PLCB1: variants seen among roughly 807,000 people sequenced by gnomAD.
PLCB1 encodes phospholipase C beta 1, also known as 1-phosphatidylinositol 4,5-bisphosphate phosphodiesterase beta-1.
A neutral mutation model predicts 161.8 loss-of-function variants in PLCB1; 46 were observed. The ratio of observed to expected loss-of-function variants is 0.28; its 90% CI spans 0.22 to 0.36. The LOEUF (loss-of-function observed/expected upper bound fraction) is 0.36, where lower values mean the gene tolerates loss of function less well. Among genes scored for constraint, PLCB1 ranks in the 10% least tolerant of loss-of-function variants. The probability of loss-of-function intolerance (pLI) is 1.00; values close to 1 mark genes in which losing one functional copy is unlikely to be tolerated. For synonymous variants in PLCB1, 517 were observed against 503.7 expected (o/e 1.03, Z -0.35); for missense variants, 1,016 against 1,472.5 (o/e 0.69, Z 5.07).
chr20:8,792,563 G>A, intron 31 of PLCB1: 1 of 471,132 alleles, frequency 2.1e-6, no homozygotes, highest in Non-Finnish European at 4.4e-6. Context: ...TAGTTCTATT[G>A]TCTGCGTTTT....
At position 8,733,352 on chromosome 20, in the gene PLCB1, G is replaced by A; in HGVS notation, c.2003G>A (p.Gly668Asp). ...PDKHFDPFTEGIVDGIVANTL... is the reference protein window; with the variant it reads ...PDKHFDPFTEDIVDGIVANTL... ...AAGCATTTTGATCCATTTACTGAAGGCATCGTAGATGGGATAGTGGCAAAC... is the reference window on the plus strand; with the variant it reads ...AAGCATTTTGATCCATTTACTGAAGACATCGTAGATGGGATAGTGGCAAAC... Residue 668 changes from glycine to aspartate, a missense_variant, in exon 19 of 32, where the codon GGC becomes GAC. Gly to Asp is a moderately conservative substitution (Grantham distance 94). This residue lies in a region of PLCB1 where 67 missense variants were observed against 195.6 expected (regional missense o/e 0.34). Transcript: ENST00000338037. 1 of 1,613,896 alleles carries A rather than the reference G, an allele frequency of 6.2e-7. No homozygotes were observed. The highest frequency in any genetic ancestry group is 8.5e-7 in the Non-Finnish European group (1 of 1,179,862).
chr20:8,148,289 T>A (rs6039050), intron 1 of PLCB1, among the ~76,000 whole-genome samples: 1,589 of 152,316 alleles, frequency 0.01, 33 homozygotes, highest in African/African-American at 0.036. Context: ...ATGCATGCAA[T>A]CTCATGAAAG....
chr20:8,219,443 A>T (rs985402164), intron 2 of PLCB1, among the ~76,000 whole-genome samples: 4 of 152,152 alleles, frequency 2.6e-5, no homozygotes, highest in African/African-American at 9.7e-5. Flanking sequence ...GAGCCTGGAT[A>T]GTTGTTAGAA....
At chr20:8,152,082 G>A (rs57577145) in intron 2 of PLCB1, among the ~76,000 whole-genome samples, 6,563 of 152,178 alleles carry the variant, frequency 0.043, 481 homozygotes, top group African/African-American at 0.15. Flanking sequence ...ATGACCAAGC[G>A]AAACAGATAA....
intron 2 of PLCB1, among the ~76,000 whole-genome samples, chr20:8,217,526 G>A (rs1371164435): frequency 6.6e-6 from 1 of 152,122 alleles, no homozygotes; most frequent in Non-Finnish European, 1.5e-5. Context: ...TCTGATGAAA[G>A]TGATAGGAAG....
chr20:8,218,317 TCA>T (rs1979235143), intron 2 of PLCB1, among the ~76,000 whole-genome samples: 1 of 152,122 alleles, frequency 6.6e-6, no homozygotes, highest in African/African-American at 2.4e-5. Flanking sequence ...ATACATATGC[TCA>T]GAGTTCAGAT....
intron 2 of PLCB1, among the ~76,000 whole-genome samples, chr20:8,168,901 A>G (rs150257575): frequency 2.0e-4 from 31 of 152,238 alleles, no homozygotes; most frequent in African/African-American, 7.5e-4. Context: ...AGAGGTAGAA[A>G]TCATTTCAGA....
At chr20:8,699,157 A>T (rs538680268) in intron 11 of PLCB1, among the ~76,000 whole-genome samples, 1 of 152,118 alleles carries the variant, frequency 6.6e-6, no homozygotes, top group African/African-American at 2.4e-5. Flanking sequence ...CCAGAGGACA[A>T]CCTCTCGCAC....
At chr20:8,134,867 T>C (rs1008885005) in intron 1 of PLCB1, among the ~76,000 whole-genome samples, 1 of 151,120 alleles carries the variant, frequency 6.6e-6, no homozygotes, top group Non-Finnish European at 1.5e-5. Context: ...CAGGTCTTTT[T>C]TAAAAAAAAA....
chr20:8,519,091 G>A (rs1052205186), intron 3 of PLCB1, among the ~76,000 whole-genome samples: 1 of 152,132 alleles, frequency 6.6e-6, no homozygotes, highest in African/African-American at 2.4e-5. Flanking sequence ...TGTGCAGCCT[G>A]GTTCTTAGCA....
At chr20:8,858,865 C>T (rs1400737009) in intron 31 of PLCB1, among the ~76,000 whole-genome samples, 49 of 145,174 alleles carry the variant, frequency 3.4e-4, no homozygotes, top group Non-Finnish European at 6.0e-5. Context: ...TTTTTCCCAA[C>T]TCTTGTTCTT....
chr20:8,250,129 G>T (rs557397203), intron 2 of PLCB1, among the ~76,000 whole-genome samples: 33 of 152,012 alleles, frequency 2.2e-4, no homozygotes, highest in African/African-American at 7.7e-4. Flanking sequence ...CACACGAGGA[G>T]TTATTGAAAA....
intron 31 of PLCB1, among the ~76,000 whole-genome samples, chr20:8,834,241 T>C (rs1481836909): frequency 4.6e-5 from 7 of 152,070 alleles, no homozygotes; most frequent in Non-Finnish European, 8.8e-5. Context: ...ATGTTGGATG[T>C]AGTAAAAAGA....
intron 3 of PLCB1, among the ~76,000 whole-genome samples, chr20:8,590,814 C>A (rs1352143939): frequency 6.6e-6 from 1 of 152,036 alleles, no homozygotes; most frequent in African/African-American, 2.4e-5. Flanking sequence ...CAGAATAATC[C>A]TACTTTAATT....
intron 31 of PLCB1, among the ~76,000 whole-genome samples, chr20:8,858,188 AC>A (rs749243726): frequency 6.6e-6 from 1 of 152,178 alleles, no homozygotes; most frequent in Non-Finnish European, 1.5e-5. Flanking sequence ...AGCAGTCAAA[AC>A]ATAAACTAAA....
chr20:8,549,334 A>G (rs535301173), intron 3 of PLCB1, among the ~76,000 whole-genome samples: 1 of 152,254 alleles, frequency 6.6e-6, no homozygotes, highest in Admixed American at 6.5e-5. Context: ...GCCAATTACT[A>G]ATTAACAGAG....
chr20:8,622,457 A>G (rs1282418292), intron 3 of PLCB1, among the ~76,000 whole-genome samples: 4 of 152,174 alleles, frequency 2.6e-5, no homozygotes, highest in African/African-American at 4.8e-5. Flanking sequence ...GAGAGTTCCC[A>G]TATAGTCCTA....
intron 2 of PLCB1, among the ~76,000 whole-genome samples, chr20:8,349,542 GT>G (rs1413340193): frequency 9.2e-5 from 14 of 152,332 alleles, no homozygotes; most frequent in African/African-American, 3.1e-4. Flanking sequence ...CAAAGGAGCT[GT>G]CTGAATAATT....
intron 31 of PLCB1, among the ~76,000 whole-genome samples, chr20:8,821,153 G>T (rs536711373): frequency 6.6e-6 from 1 of 152,034 alleles, no homozygotes; most frequent in African/African-American, 2.4e-5. Flanking sequence ...AAGCTATCTT[G>T]AGTAGAGGTA....
Sources: gnomAD v4.1 joint callset for allele counts (sites outside exome capture counted in the v4.1 genomes callset) on GRCh38, gnomAD v4.1.1 for gene constraint, gnomAD v4.1.1 regional missense constraint, MANE v1.5 for transcripts, NCBI Gene and HGNC (gene_info 2026-07-23, HGNC 2026-07-21) for gene names.